Variants in RSBN1L observed in about 807,000 individuals in gnomAD.
RSBN1L encodes round spermatid basic protein 1 like, also known as lysine-specific demethylase RSBN1L.
In RSBN1L, 30 loss-of-function variants were observed where a neutral mutation model predicts 67.7. The observed-to-expected ratio is 0.44, with a 90% confidence interval of 0.33 to 0.60. The LOEUF is 0.60. Ranked by LOEUF, RSBN1L falls within the 20% of genes least tolerant of loss-of-function variation. The pLI, the probability that RSBN1L is intolerant of heterozygous loss-of-function variation, is 0.02. For synonymous variants in RSBN1L, 433 were observed against 387.0 expected, an observed-to-expected ratio of 1.12 and a Z score of -1.39; for missense variants, 992 against 1,031.7, an observed-to-expected ratio of 0.96 and a Z score of 0.53.
chr7:77,763,538 G>T (rs1469720990), intron 3 of RSBN1L, among the ~76,000 whole-genome samples: 3 of 152,130 alleles, frequency 2.0e-5, no homozygotes, highest in African/African-American at 7.2e-5. Flanking sequence ...ATTTCTTACT[G>T]TGCTGCTATT....
chr7:77,700,122 A>G (rs1336347669), intron 1 of RSBN1L, among the ~76,000 whole-genome samples: 3 of 152,284 alleles, frequency 2.0e-5, no homozygotes, highest in Non-Finnish European at 2.9e-5. Context: ...AAACCAGAAA[A>G]TAACCTGATT....
chr7:77,697,047 T>C lies in RSBN1L; in HGVS notation c.578T>C (p.Leu193Pro), dbSNP rs1274701457. ...GAGGAGAACGGGGAGGTGAAGCCGC[T>C]GCCCCGAGGTGGGTGCCGTGCGGGG... ...SREENGEVKP[L>P]PRDKIKDKIK... Residue 193 changes from leucine (L) to proline (P), a missense_variant, in exon 1 of 8, where the codon CTG becomes CCG. By Grantham distance (98) the Leu-to-Pro change is moderately conservative (BLOSUM62 -3). Coordinates refer to ENST00000334955, the MANE Select transcript of RSBN1L (RefSeq NM_198467.3). The C allele has an allele frequency of 2.7e-6, 4 of 1,465,856 alleles. No individual in the cohort carries two copies. The Admixed American group carries it at 9.3e-5, about 34-fold the overall frequency. 90.8% of individuals were successfully genotyped at this position (1,465,856 alleles called of 1,614,324 possible).
At position 77,696,889 on chromosome 7, in the gene RSBN1L, C is replaced by T. The variant is rs774688123; in HGVS notation, c.420C>T (p.His140=). The change falls in exon 1 of 8, where the codon CAC becomes CAT. Residue 140 remains histidine, a synonymous_variant. Coordinates refer to ENST00000334955, the MANE Select transcript of RSBN1L (RefSeq NM_198467.3). ...VPPTLLHAQP[H]HLLLPAAAAA... is the part of the protein sequence containing the mutation. ...CTACGCTGCTGCACGCTCAGCCTCA[C>T]CATCTCCTCCTGCCCGCCGCCGCCG... The T allele has an allele frequency of 3.1e-6, 5 of 1,608,410 alleles. No homozygotes were observed. Among genetic ancestry groups the T allele is most frequent in the Non-Finnish European group, 4.2e-6 (5 of 1,179,786 alleles).
intron 2 of RSBN1L, among the ~76,000 whole-genome samples, chr7:77,745,347 T>C (rs2150424276): frequency 6.6e-6 from 1 of 152,286 alleles, no homozygotes; most frequent in East Asian, 1.9e-4. Flanking sequence ...ACAGATTTTT[T>C]CATTCATACT....
chr7:77,751,480 C>CT (rs1215657490), intron 3 of RSBN1L, among the ~76,000 whole-genome samples: 2 of 152,130 alleles, frequency 1.3e-5, no homozygotes, highest in African/African-American at 4.8e-5. Context: ...GAATTATTCT[C>CT]TAACATGTTT....
chr7:77,752,314 C>G (rs1378773107), intron 3 of RSBN1L, among the ~76,000 whole-genome samples: 1 of 152,226 alleles, frequency 6.6e-6, no homozygotes, highest in Non-Finnish European at 1.5e-5. Context: ...CTAAGCATGT[C>G]AGCTGCAGGG....
At position 77,736,409 on chromosome 7, in the gene RSBN1L, G is replaced by T; in HGVS notation, c.587-1G>T. ...AATATTTCCTTTGTTTTGTCTTCCA[G>T]ATAAAATCAAAGACAAAATTAAAGA... On this transcript the variant is annotated splice_acceptor_variant, in intron 1 of 7. Transcript: ENST00000334955. LOFTEE classifies it high-confidence loss of function. The T allele has an allele frequency of 9.8e-7, 1 of 1,017,548 alleles. No homozygotes were observed. Among genetic ancestry groups the T allele is most frequent in the Non-Finnish European group, 1.3e-6 (1 of 749,796 alleles). 63.0% of individuals were successfully genotyped at this position (1,017,548 alleles called of 1,614,324 possible). A position where few individuals can be genotyped will look rare whatever the true frequency, so the allele number is the denominator to read the frequency against.
chr7:77,765,267 A>G (rs10273036), intron 3 of RSBN1L, among the ~76,000 whole-genome samples: 18,812 of 152,206 alleles, frequency 0.12, 1,226 homozygotes, highest in African/African-American at 0.15. Context: ...ATAGTTAGAG[A>G]AAGTAAAATA....
intron 3 of RSBN1L, among the ~76,000 whole-genome samples, chr7:77,752,809 TC>T (rs1791571149): frequency 6.6e-6 from 1 of 152,166 alleles, no homozygotes. Flanking sequence ...AACCCCCCAG[TC>T]CCACCACATG....
intron 1 of RSBN1L, among the ~76,000 whole-genome samples, chr7:77,702,741 G>C (rs10239156): frequency 0.57 from 87,389 of 152,044 alleles, 26,977 homozygotes; most frequent in African/African-American, 0.81. Context: ...GGCTGGAAGC[G>C]TGAGGTCAGC....
chr7:77,761,770 GA>G (rs1791699868), intron 3 of RSBN1L, among the ~76,000 whole-genome samples: 2 of 152,084 alleles, frequency 1.3e-5, no homozygotes, highest in African/African-American at 4.8e-5. Flanking sequence ...TATTAAACTA[GA>G]AATTTGTATG....
chr7:77,770,550 G>A (rs1443288214), intron 5 of RSBN1L, among the ~76,000 whole-genome samples: 6 of 151,866 alleles, frequency 4.0e-5, no homozygotes, highest in African/African-American at 2.4e-5. Flanking sequence ...CAATGTGGTG[G>A]TACATGCCCG....
chr7:77,724,632 G>T (rs1791170594), intron 1 of RSBN1L, among the ~76,000 whole-genome samples: 1 of 151,404 alleles, frequency 6.6e-6, no homozygotes, highest in Admixed American at 6.6e-5. Flanking sequence ...CACCCTGTTG[G>T]CCAGGCTGGT....
At chr7:77,732,824 A>G (rs932212703) in intron 1 of RSBN1L, among the ~76,000 whole-genome samples, 1 of 152,180 alleles carries the variant, frequency 6.6e-6, no homozygotes. Flanking sequence ...TGTATTTTCT[A>G]TTTAATCTTT....
At chr7:77,698,254 T>TA (rs1348329583) in intron 1 of RSBN1L, among the ~76,000 whole-genome samples, 1 of 152,252 alleles carries the variant, frequency 6.6e-6, no homozygotes, top group Non-Finnish European at 1.5e-5. Flanking sequence ...TGGTGCAATG[T>TA]AAATATCTTT....
chr7:77,702,959 A>G (rs1015011892), intron 1 of RSBN1L, among the ~76,000 whole-genome samples: 6 of 152,180 alleles, frequency 3.9e-5, no homozygotes, highest in African/African-American at 1.4e-4. Flanking sequence ...ATTTTCAGAT[A>G]CAGTCACATT....
chr7:77,769,602 G>T (rs917442208), intron 5 of RSBN1L, among the ~76,000 whole-genome samples: 1 of 152,176 alleles, frequency 6.6e-6, no homozygotes, highest in Non-Finnish European at 1.5e-5. Flanking sequence ...TAGTATTTGG[G>T]GGGGAAGCGA....
At position 77,768,732 on chromosome 7, in the gene RSBN1L, C is replaced by T. The variant is rs1342511140; in HGVS notation, c.1554C>T (p.Ile518=). 1.2e-6 allele frequency: 2 copies of T among 1,613,956 alleles called. No individual in the cohort carries two copies. The highest frequency in any genetic ancestry group is 1.7e-6 in the Non-Finnish European group (2 of 1,179,872). ...QSRKDSDDGP[I]MWVRPGEQMI... is the part of the protein sequence containing the mutation. ...GAAAAGATAGTGATGATGGTCCCATCATGTGGGTTCGTCCAGGAGAACAAA... is the reference window on the plus strand; with the variant it reads ...GAAAAGATAGTGATGATGGTCCCATTATGTGGGTTCGTCCAGGAGAACAAA... Residue 518 remains isoleucine, a synonymous_variant, in exon 5 of 8, where the codon ATC becomes ATT. Transcript: ENST00000334955.
Position 77,779,720 on chromosome 7 carries a change from T to C in RSBN1L, c.*552T>C, listed in dbSNP as rs1162715833. ...ACAATTCATTTAAGTCATTTGATAA[T>C]GATTCTCTGCTGGTATATCTATTTA... On this transcript the variant is annotated 3_prime_UTR_variant, in exon 8 of 8. Transcript: ENST00000334955. 3 of 152,242 alleles carry C rather than the reference T, an allele frequency of 2.0e-5. No individual in the cohort carries two copies. Among genetic ancestry groups the C allele is most frequent in the Middle Eastern group, 6.8e-3 (2 of 292 alleles). The allele number at this position is 152,242 out of a possible 1,614,324, so 9.4% of individuals were successfully genotyped here.
Sources: gnomAD v4.1 joint callset for allele counts (sites outside exome capture counted in the v4.1 genomes callset) on GRCh38, gnomAD v4.1.1 for gene constraint, MANE v1.5 for transcripts, NCBI Gene and HGNC (gene_info 2026-07-23, HGNC 2026-07-21) for gene names.